Variants in CDH13 observed in about 807,000 individuals in gnomAD.
CDH13 encodes the protein cadherin-13.
CDH13 carries 24 observed loss-of-function variants against 63.8 expected under a neutral mutation model. The ratio of observed to expected loss-of-function variants is 0.38; its 90% CI spans 0.27 to 0.53. The LOEUF (loss-of-function observed/expected upper bound fraction) is 0.53, where lower values mean the gene tolerates loss of function less well. Among genes scored for constraint, CDH13 ranks in the 20% least tolerant of loss-of-function variants. CDH13 has a pLI of 0.85. For synonymous variants in CDH13, 503 were observed against 355.3 expected (o/e 1.42, Z -4.67); for missense variants, 1,049 against 903.1 (o/e 1.16, Z -2.07).
intron 5 of CDH13, among the ~76,000 whole-genome samples, chr16:83,252,140 A>ACG (rs757136550): frequency 0.4 from 39,323 of 98,512 alleles, 6,076 homozygotes; most frequent in Admixed American, 0.45. Flanking sequence ...ATATATATGT[A>ACG]TATATATATA....
At chr16:83,725,279 A>G (rs1475526323) in intron 10 of CDH13, among the ~76,000 whole-genome samples, 1 of 152,196 alleles carries the variant, frequency 6.6e-6, no homozygotes, top group East Asian at 1.9e-4. Context: ...CCGTTCACTC[A>G]ACACACAGGC....
chr16:83,104,693 T>C (rs1470576568), intron 3 of CDH13, among the ~76,000 whole-genome samples: 1 of 152,190 alleles, frequency 6.6e-6, no homozygotes, highest in Admixed American at 6.5e-5. Context: ...CCGAATAATG[T>C]TGAATTTCAG....
At chr16:82,894,341 C>G (rs920405552) in intron 2 of CDH13, among the ~76,000 whole-genome samples, 1 of 152,182 alleles carries the variant, frequency 6.6e-6, no homozygotes, top group Non-Finnish European at 1.5e-5. Flanking sequence ...CTGGGCCAGA[C>G]AGTGCCTTAA....
At chr16:83,104,864 G>A (rs2034687278) in intron 3 of CDH13, among the ~76,000 whole-genome samples, 1 of 152,158 alleles carries the variant, frequency 6.6e-6, no homozygotes. Flanking sequence ...ATAAGGATCT[G>A]AAAAATGGAC....
intron 1 of CDH13, among the ~76,000 whole-genome samples, chr16:82,786,372 C>G (rs981684218): frequency 6.6e-6 from 1 of 150,500 alleles, no homozygotes; most frequent in Non-Finnish European, 1.5e-5. Context: ...AAATCACTTC[C>G]AAAAGTGTCT....
intron 6 of CDH13, among the ~76,000 whole-genome samples, chr16:83,446,991 A>AG (rs2072708615): frequency 7.0e-6 from 1 of 142,470 alleles, no homozygotes; most frequent in East Asian, 2.2e-4. Flanking sequence ...ACCTGCATTG[A>AG]AGGGGTTAAG....
intron 1 of CDH13, among the ~76,000 whole-genome samples, chr16:82,731,888 C>G (rs139741325): frequency 6.2e-4 from 95 of 152,158 alleles, no homozygotes; most frequent in Non-Finnish European, 1.0e-3. Context: ...ATTAACATTA[C>G]CAGAATATCA....
chr16:82,647,007 T>C (rs977541283), intron 1 of CDH13, among the ~76,000 whole-genome samples: 2 of 152,164 alleles, frequency 1.3e-5, no homozygotes, highest in African/African-American at 4.8e-5. Context: ...CAAAGGACTT[T>C]ACTATTGCTG....
intron 5 of CDH13, among the ~76,000 whole-genome samples, chr16:83,275,211 G>C (rs2088949339): frequency 6.6e-6 from 1 of 152,162 alleles, no homozygotes; most frequent in African/African-American, 2.4e-5. Context: ...TAAGCAGCTG[G>C]GAAAGGAGAG....
chr16:82,720,437 G>A (rs1160008865), intron 1 of CDH13, among the ~76,000 whole-genome samples: 3 of 152,070 alleles, frequency 2.0e-5, no homozygotes, highest in Non-Finnish European at 2.9e-5. Flanking sequence ...GTCTTGGGTG[G>A]CCAAAGCCTC....
intron 7 of CDH13, 46 bp from the exon 8 acceptor site, chr16:83,602,408 C>A (rs1274136946): frequency 6.2e-7 from 1 of 1,610,900 alleles, no homozygotes; most frequent in East Asian, 2.2e-5. Flanking sequence ...AAAGCAGTAA[C>A]CCAAATCTAA....
At chr16:82,952,351 C>T (rs1313656121) in intron 2 of CDH13, among the ~76,000 whole-genome samples, 4 of 152,164 alleles carry the variant, frequency 2.6e-5, no homozygotes, top group Admixed American at 1.3e-4. Context: ...TATGGTATTT[C>T]TATATGCAAA....
chr16:83,685,992 C>G (rs1444745929), intron 10 of CDH13, among the ~76,000 whole-genome samples: 1 of 152,186 alleles, frequency 6.6e-6, no homozygotes, highest in Admixed American at 6.5e-5. Flanking sequence ...ACCAAAAGCA[C>G]TGTTACCAGT....
rs1462918949 is a variant in CDH13 at position 83,496,889 on chromosome 16, A to C, written c.960+10234A>C. On this transcript the variant is annotated intron_variant, in intron 7 of 13. Coordinates refer to ENST00000567109, the MANE Select transcript of CDH13 (RefSeq NM_001257.5). ...ACTTCTCAAAAGAAGACGTTTATGC[A>C]GCCAAAAAACACATGAAAAAATGCT... Among the ~76,000 whole-genome samples the C allele has an allele frequency of 2.6e-5, 4 of 152,240 alleles. No individual in the cohort carries two copies. In the South Asian group the frequency reaches 6.2e-4, roughly 24 times the overall value.
intron 3 of CDH13, among the ~76,000 whole-genome samples, chr16:83,045,772 C>T (rs1416838036): frequency 1.3e-5 from 2 of 151,648 alleles, no homozygotes; most frequent in East Asian, 3.9e-4. Context: ...ACACCCAAAA[C>T]TTAGGCAGTA....
At chr16:83,711,635 C>T (rs1404950861) in intron 10 of CDH13, among the ~76,000 whole-genome samples, 7 of 152,228 alleles carry the variant, frequency 4.6e-5, no homozygotes, top group Admixed American at 4.6e-4. Context: ...CGTGCCTCAG[C>T]TTCCCAAGTA....
At chr16:82,907,535 A>G (rs375382530) in intron 2 of CDH13, among the ~76,000 whole-genome samples, 7 of 152,258 alleles carry the variant, frequency 4.6e-5, no homozygotes, top group African/African-American at 1.7e-4. Flanking sequence ...TCAGTTATAT[A>G]TTTTTCTTTG....
intron 4 of CDH13, among the ~76,000 whole-genome samples, chr16:83,187,982 G>T (rs906792777): frequency 2.0e-5 from 3 of 152,298 alleles, no homozygotes; most frequent in African/African-American, 4.8e-5. Context: ...AAAGCTGGGG[G>T]CAGTAGTGTG....
intron 1 of CDH13, among the ~76,000 whole-genome samples, chr16:82,676,925 C>G (rs1349767989): frequency 6.6e-6 from 1 of 151,638 alleles, no homozygotes; most frequent in South Asian, 2.1e-4. Flanking sequence ...CACTCTGTCA[C>G]CAGGCTAGAG....
Sources: gnomAD v4.1 joint callset for allele counts (sites outside exome capture counted in the v4.1 genomes callset) on GRCh38, gnomAD v4.1.1 for gene constraint, MANE v1.5 for transcripts, NCBI Gene and HGNC (gene_info 2026-07-23, HGNC 2026-07-21) for gene names.